Variants in MAP2K6 observed in about 807,000 individuals in gnomAD.
The protein encoded by MAP2K6 is dual specificity mitogen-activated protein kinase kinase 6.
In MAP2K6, 16 loss-of-function variants were observed where a neutral mutation model predicts 53.7. The observed-to-expected ratio is 0.30, with a 90% CI of 0.20 to 0.45. The LOEUF (loss-of-function observed/expected upper bound fraction) is 0.45. Among genes scored for constraint, MAP2K6 ranks in the 20% least tolerant of loss-of-function variants. The pLI, the probability that MAP2K6 is intolerant of heterozygous loss-of-function variation, is 1.00. For missense variants in MAP2K6, 204 were observed against 411.9 expected (o/e 0.50, Z 4.37); for synonymous variants, 132 against 143.1 (o/e 0.92, Z 0.55).
intron 2 of MAP2K6, among the ~76,000 whole-genome samples, chr17:69,515,817 C>T (rs1421273389): frequency 6.6e-6 from 1 of 152,186 alleles, no homozygotes; most frequent in African/African-American, 2.4e-5. Context: ...ACCTTCTGTC[C>T]ATCTATAAAA....
At chr17:69,488,856 A>G (rs1908643279) in intron 1 of MAP2K6, among the ~76,000 whole-genome samples, 1 of 152,178 alleles carries the variant, frequency 6.6e-6, no homozygotes, top group South Asian at 2.1e-4. Context: ...AAACCTCAGC[A>G]TCATAAAATA....
At chr17:69,437,149 A>G (rs1246436326) in intron 1 of MAP2K6, among the ~76,000 whole-genome samples, 2 of 152,186 alleles carry the variant, frequency 1.3e-5, no homozygotes, top group East Asian at 1.9e-4. Flanking sequence ...TGGCTCCCCT[A>G]AAACTTAAGT....
At chr17:69,519,481 G>A in intron 5 of MAP2K6, 49 bp downstream of exon 5, 1 of 1,610,936 alleles carries the variant, frequency 6.2e-7, no homozygotes, top group Non-Finnish European at 8.5e-7. Flanking sequence ...AACTTAAAAA[G>A]AAGTTTCTTT....
intron 2 of MAP2K6, among the ~76,000 whole-genome samples, chr17:69,507,224 G>A (rs780175180): frequency 2.6e-5 from 4 of 151,966 alleles, no homozygotes; most frequent in African/African-American, 4.8e-5. Context: ...AAACTCCCCC[G>A]CCATCCCAAG....
rs1333657310 is a variant in MAP2K6 at position 69,547,941 on chromosome 17, T to A, written c.*6188T>A. On this transcript the variant is annotated 3_prime_UTR_variant, in exon 12 of 12. Coordinates refer to ENST00000590474, the MANE Select transcript of MAP2K6 (RefSeq NM_002758.4). ...AATCTCTCTATTCCCTGACTTGTAC[T>A]GAGATTGGGGAATTTGGGAGGTCAG... 3.3e-5 allele frequency: 5 copies of A among 152,194 alleles called. No individual in the cohort carries two copies. The highest frequency in any genetic ancestry group is 5.9e-5 in the Non-Finnish European group (4 of 68,024). 9.4% of individuals were successfully genotyped at this position (152,194 alleles called of 1,614,324 possible).
intron 1 of MAP2K6, among the ~76,000 whole-genome samples, chr17:69,443,138 A>G (rs1468163186): frequency 6.6e-6 from 1 of 151,998 alleles, no homozygotes. Flanking sequence ...ATTTACCTTG[A>G]ATTTATTGTA....
intron 10 of MAP2K6, among the ~76,000 whole-genome samples, chr17:69,530,192 G>T (rs1473763355): frequency 6.6e-6 from 1 of 152,090 alleles, no homozygotes; most frequent in Non-Finnish European, 1.5e-5. Context: ...GTGTGCACCT[G>T]GGGACCCAGC....
chr17:69,460,885 C>T (rs974981814), intron 1 of MAP2K6, among the ~76,000 whole-genome samples: 2 of 152,146 alleles, frequency 1.3e-5, no homozygotes, highest in Non-Finnish European at 2.9e-5. Context: ...CAGGCCTGAG[C>T]CACCATACCT....
chr17:69,529,504 ATTTTTTTT>A (rs10566943), intron 10 of MAP2K6, among the ~76,000 whole-genome samples: 3 of 98,374 alleles, frequency 3.0e-5, no homozygotes, highest in African/African-American at 4.2e-5. Flanking sequence ...ATGGTTTTTA[ATTTTTTTT>A]TTTTTTTTTT....
intron 1 of MAP2K6, among the ~76,000 whole-genome samples, chr17:69,423,317 A>G (rs1906157313): frequency 6.6e-6 from 1 of 152,212 alleles, no homozygotes; most frequent in Non-Finnish European, 1.5e-5. Context: ...ATCGACAAAC[A>G]AAGTTTTATT....
chr17:69,476,783 A>G (rs997423697), intron 1 of MAP2K6, among the ~76,000 whole-genome samples: 20 of 152,204 alleles, frequency 1.3e-4, no homozygotes, highest in African/African-American at 4.8e-4. Flanking sequence ...TGAAGGTGCT[A>G]TAGAGATTGG....
chr17:69,472,612 G>T (rs1447566752), intron 1 of MAP2K6, among the ~76,000 whole-genome samples: 1 of 152,222 alleles, frequency 6.6e-6, no homozygotes, highest in Non-Finnish European at 1.5e-5. Flanking sequence ...TCCTGTCCAG[G>T]TTGGGTCCCA....
intron 1 of MAP2K6, among the ~76,000 whole-genome samples, chr17:69,438,342 C>G (rs1309072642): frequency 5.9e-5 from 9 of 152,202 alleles, no homozygotes; most frequent in Admixed American, 1.3e-4. Context: ...GGCTTTCTAT[C>G]AGGCCTTCTG....
intron 1 of MAP2K6, among the ~76,000 whole-genome samples, chr17:69,472,767 C>A (rs1379544220): frequency 6.6e-6 from 1 of 152,128 alleles, no homozygotes; most frequent in Non-Finnish European, 1.5e-5. Context: ...GGTATGGCCT[C>A]GGCTCCCTGC....
Position 69,516,847 on chromosome 17 carries a change from T to C in MAP2K6, c.84-8T>C. ...TATGTTTCTTCTTTTCCCCCTTATC[T>C]TTCTTAGACCACCTCGAGATTTAGA... On this transcript the variant is annotated splice_region_variant and splice_polypyrimidine_tract_variant and intron_variant, in intron 2 of 11. Coordinates refer to ENST00000590474, the MANE Select transcript of MAP2K6 (RefSeq NM_002758.4). The C allele has an allele frequency of 6.3e-7, 1 of 1,587,028 alleles. No homozygotes were observed. Among genetic ancestry groups the C allele is most frequent in the Non-Finnish European group, 8.6e-7 (1 of 1,157,664 alleles).
chr17:69,443,567 G>A (rs1420097219), intron 1 of MAP2K6, among the ~76,000 whole-genome samples: 2 of 152,200 alleles, frequency 1.3e-5, no homozygotes, highest in Non-Finnish European at 2.9e-5. Flanking sequence ...AGAAAGATGG[G>A]TAAGGACCAG....
At chr17:69,441,109 G>A (rs1264601865) in intron 1 of MAP2K6, among the ~76,000 whole-genome samples, 2 of 152,114 alleles carry the variant, frequency 1.3e-5, no homozygotes, top group African/African-American at 2.4e-5. Context: ...TACTTTTATG[G>A]GGCCACCCTT....
At chr17:69,504,251 G>A (rs1909334098) in intron 1 of MAP2K6, among the ~76,000 whole-genome samples, 1 of 152,162 alleles carries the variant, frequency 6.6e-6, no homozygotes, top group Middle Eastern at 3.4e-3. Flanking sequence ...GTAGAGAAGA[G>A]GTGGGAAAGG....
chr17:69,467,186 G>T (rs1354991448), intron 1 of MAP2K6, among the ~76,000 whole-genome samples: 1 of 152,164 alleles, frequency 6.6e-6, no homozygotes, highest in Non-Finnish European at 1.5e-5. Flanking sequence ...AGTAATAAAG[G>T]GGTCTCTATA....
Sources: allele counts gnomAD v4.1 joint callset (sites outside exome capture counted in the v4.1 genomes callset), GRCh38; gene constraint gnomAD v4.1.1; transcripts MANE v1.5; gene names NCBI Gene and HGNC (gene_info 2026-07-23, HGNC 2026-07-21).